The following PCDH7 variants were observed in gnomAD, a reference collection of about 807,000 sequenced individuals.
PCDH7 encodes protocadherin-7.
Under a neutral mutation model 58.9 loss-of-function variants are expected in PCDH7, and 17 were observed. The ratio of observed to expected loss-of-function variants is 0.29; its 90% CI spans 0.20 to 0.43. The LOEUF (loss-of-function observed/expected upper bound fraction) is 0.43, where lower values mean the gene tolerates loss of function less well. Among genes scored for constraint, PCDH7 ranks in the 20% least tolerant of loss-of-function variants. The probability of loss-of-function intolerance (pLI) is 1.00; values close to 1 mark genes in which losing one functional copy is unlikely to be tolerated. For missense variants in PCDH7, 1,274 were observed against 1,441.0 expected (o/e 0.88, Z 1.88); for synonymous variants, 664 against 616.4 (o/e 1.08, Z -1.14).
chr4:30,779,070 G>A (rs1168446234), intron 1 of PCDH7, among the ~76,000 whole-genome samples: 1 of 134,604 alleles, frequency 7.4e-6, no homozygotes, highest in African/African-American at 2.9e-5. Context: ...GTTCAGGCTG[G>A]AGTGCAGTGG....
chr4:31,064,693 T>C (rs1757941905), intron 3 of PCDH7, among the ~76,000 whole-genome samples: 1 of 151,950 alleles, frequency 6.6e-6, no homozygotes, highest in African/African-American at 2.4e-5. Context: ...TTCTGTTTTG[T>C]AAGTGCAATA....
intron 1 of PCDH7, among the ~76,000 whole-genome samples, chr4:30,777,563 A>C (rs982023149): frequency 1.3e-5 from 2 of 152,258 alleles, no homozygotes; most frequent in East Asian, 3.9e-4. Flanking sequence ...AGATTCTATA[A>C]TCAGTGGGTT....
At chr4:30,753,043 A>G (rs1233829322) in intron 1 of PCDH7, among the ~76,000 whole-genome samples, 1 of 152,186 alleles carries the variant, frequency 6.6e-6, no homozygotes, top group Non-Finnish European at 1.5e-5. Context: ...TTGAGATTCC[A>G]GGAATCTTTG....
intron 1 of PCDH7, among the ~76,000 whole-genome samples, chr4:30,878,783 G>A (rs530965020): frequency 1.3e-5 from 2 of 152,254 alleles, no homozygotes; most frequent in East Asian, 3.9e-4. Context: ...CTGGGAGGTG[G>A]AGGTTGCAGT....
intron 1 of PCDH7, among the ~76,000 whole-genome samples, chr4:30,904,935 C>G (rs1185677171): frequency 1.3e-5 from 2 of 151,978 alleles, no homozygotes; most frequent in Non-Finnish European, 2.9e-5. Flanking sequence ...TCATCTTGAC[C>G]AGGAAAAGGT....
exon 2 of PCDH7, chr4:30,732,892 A>G (rs1231643348): frequency 1.3e-5 from 2 of 152,202 alleles, no homozygotes; most frequent in Non-Finnish European, 2.9e-5. Context: ...TTACAGCAAC[A>G]TTTATCAACA....
chr4:31,005,936 CA>C (rs1343976257), intron 3 of PCDH7, among the ~76,000 whole-genome samples: 1 of 152,188 alleles, frequency 6.6e-6, no homozygotes, highest in African/African-American at 2.4e-5. Context: ...CCAACTTCAT[CA>C]CTTACTAGCA....
intron 3 of PCDH7, among the ~76,000 whole-genome samples, chr4:31,137,378 T>G (rs1052380390): frequency 6.6e-6 from 1 of 151,940 alleles, no homozygotes; most frequent in African/African-American, 2.4e-5. Context: ...AGATCAGGAG[T>G]TCGAGACCAG....
At chr4:30,744,109 C>A (rs578050348) in intron 1 of PCDH7, among the ~76,000 whole-genome samples, 1 of 152,174 alleles carries the variant, frequency 6.6e-6, no homozygotes, top group African/African-American at 2.4e-5. Flanking sequence ...CTTTTGCTAT[C>A]TTCATTTTTC....
At chr4:30,802,156 C>T (rs1725606827) in intron 1 of PCDH7, among the ~76,000 whole-genome samples, 1 of 152,120 alleles carries the variant, frequency 6.6e-6, no homozygotes, top group Non-Finnish European at 1.5e-5. Context: ...AAGTAACTTG[C>T]TCAAATTCAC....
In PCDH7 at chr4:30,898,739, C is replaced by T. The variant is rs1043226687; in HGVS notation, c.71-21414C>T. Among the ~76,000 whole-genome samples the T allele has an allele frequency of 4.6e-5, 7 of 152,074 alleles. 1 individual carries two copies. The highest frequency in any genetic ancestry group is 7.4e-5 in the Non-Finnish European group (5 of 68,016). The stretch of plus-strand genomic sequence containing the variant: ...CCGAGTAGCTGGGACTACAGGCGCC[C>T]GCCACCACGCCCGGCTAATTTTTTT... On this transcript the variant is annotated intron_variant, in intron 1 of 3. Coordinates refer to the PCDH7 transcript ENST00000509759.
chr4:30,951,721 T>G (rs1747390690), intron 3 of PCDH7, among the ~76,000 whole-genome samples: 1 of 152,176 alleles, frequency 6.6e-6, no homozygotes, highest in Non-Finnish European at 1.5e-5. Context: ...AGTTAGAAAT[T>G]ATTATTCATT....
chr4:30,991,240 C>T (rs144184568), intron 3 of PCDH7, among the ~76,000 whole-genome samples: 1 of 152,248 alleles, frequency 6.6e-6, no homozygotes, highest in East Asian at 1.9e-4. Flanking sequence ...TTGGCTGAAC[C>T]TCACTCCTCC....
intron 3 of PCDH7, among the ~76,000 whole-genome samples, chr4:31,141,387 C>T (rs977044492): frequency 1.3e-5 from 2 of 152,118 alleles, no homozygotes; most frequent in Admixed American, 1.3e-4. Flanking sequence ...TTTTGTTTGG[C>T]AATAAAAAAC....
intron 1 of PCDH7, among the ~76,000 whole-genome samples, chr4:30,808,768 A>G (rs1016690079): frequency 6.6e-6 from 1 of 152,206 alleles, no homozygotes; most frequent in African/African-American, 2.4e-5. Context: ...AGTATTTTAC[A>G]TACAGATAAT....
intron 1 of PCDH7, among the ~76,000 whole-genome samples, chr4:30,729,802 C>A (rs1715219819): frequency 6.6e-6 from 1 of 151,874 alleles, no homozygotes; most frequent in Non-Finnish European, 1.5e-5. Context: ...CGAATGTTTT[C>A]TCTTAATTTG....
At chr4:30,913,346 A>T (rs1366069012) in intron 1 of PCDH7, among the ~76,000 whole-genome samples, 1 of 152,170 alleles carries the variant, frequency 6.6e-6, no homozygotes, top group African/African-American at 2.4e-5. Flanking sequence ...AAAATAAAAA[A>T]TAAAGAAGTT....
intron 2 of PCDH7, among the ~76,000 whole-genome samples, chr4:30,939,000 T>C (rs1475867346): frequency 6.6e-6 from 1 of 152,162 alleles, no homozygotes; most frequent in Non-Finnish European, 1.5e-5. Context: ...AAAATACTGC[T>C]TTAAGGCTAT....
At chr4:31,022,485 T>C (rs913490121) in intron 3 of PCDH7, among the ~76,000 whole-genome samples, 3 of 152,202 alleles carry the variant, frequency 2.0e-5, no homozygotes, top group Non-Finnish European at 4.4e-5. Flanking sequence ...TAAAATACTT[T>C]AAGAATAATG....
Sources: gnomAD v4.1 joint callset for allele counts (sites outside exome capture counted in the v4.1 genomes callset) on GRCh38, gnomAD v4.1.1 for gene constraint, MANE v1.5 for transcripts, NCBI Gene and HGNC (gene_info 2026-07-23, HGNC 2026-07-21) for gene names.